Variants in BTRC observed in about 807,000 individuals in gnomAD.
The protein encoded by BTRC is F-box/WD repeat-containing protein 1A.
Under a neutral mutation model 85.5 loss-of-function variants are expected in BTRC, and 42 were observed. That is an observed-to-expected ratio of 0.49 (90% confidence interval 0.38 to 0.64). The LOEUF is 0.64. BTRC is among the 30% of genes least tolerant of loss of function. BTRC has a pLI of 0.00. For synonymous variants in BTRC, 255 were observed against 263.3 expected, an observed-to-expected ratio of 0.97 and a Z score of 0.30; for missense variants, 594 against 743.5, an observed-to-expected ratio of 0.80 and a Z score of 2.34.
chr10:101,364,048 A>G (rs1166891009), intron 1 of BTRC, among the ~76,000 whole-genome samples: 1 of 152,174 alleles, frequency 6.6e-6, no homozygotes, highest in Non-Finnish European at 1.5e-5. Context: ...CAAGCAGGGC[A>G]GGGAGTAACT....
In BTRC at chr10:101,366,792, T is replaced by A. The variant is rs1421385028; in HGVS notation, c.48+12564T>A. Reference sequence around the variant, plus strand: ...TATATATATATATATATATATATTTTTACATTTATATATATATTTATATAT... The same window carrying A: ...TATATATATATATATATATATATTTATACATTTATATATATATTTATATAT... On this transcript the variant is annotated intron_variant, in intron 1 of 14. Transcript: ENST00000370187. 2.4e-4 allele frequency among the ~76,000 whole-genome samples: 21 copies of A among 88,092 alleles called. 1 individual carries two copies. Among genetic ancestry groups the A allele is most frequent in the Middle Eastern group, 5.3e-3 (1 of 190 alleles). 57.8% of individuals were successfully genotyped at this position (88,092 alleles called of 152,430 possible).
intron 13 of BTRC, among the ~76,000 whole-genome samples, chr10:101,539,622 A>G (rs1390637376): frequency 6.6e-6 from 1 of 152,248 alleles, no homozygotes; most frequent in African/African-American, 2.4e-5. Context: ...CAAAGTTTCT[A>G]TAAACATTTA....
At position 101,442,282 on chromosome 10, in the gene BTRC, CTG is replaced by C. The variant is rs1357482554; in HGVS notation, c.156+11832_156+11833del. Among the ~76,000 whole-genome samples, 10 of 106,256 alleles carry C rather than the reference CTG, an allele frequency of 9.4e-5. 1 individual carries two copies. Among genetic ancestry groups the C allele is most frequent in the African/African-American group, 3.8e-4 (8 of 20,806 alleles). The allele number at this position is 106,256 out of a possible 152,430, so 69.7% of individuals were successfully genotyped here. On this transcript the variant is annotated intron_variant, in intron 2 of 14. Transcript: ENST00000370187. ...TTAGAATCTCTCTCTCTCTCTCTCT[CTG>C]TCTCTGTGTGTATGTGTGTGTGTGT...
At chr10:101,411,186 A>G (rs1333388954) in intron 1 of BTRC, among the ~76,000 whole-genome samples, 3 of 151,442 alleles carry the variant, frequency 2.0e-5, no homozygotes, top group Non-Finnish European at 4.4e-5. Flanking sequence ...TAGAGATGGG[A>G]TTTCACCATG....
intron 3 of BTRC, among the ~76,000 whole-genome samples, chr10:101,476,343 C>A (rs1238687072): frequency 2.0e-5 from 3 of 152,048 alleles, no homozygotes. Context: ...CTGGTGAAAC[C>A]TGAGTAAGTT....
At chr10:101,508,110 A>G (rs1946589376) in intron 4 of BTRC, among the ~76,000 whole-genome samples, 1 of 152,238 alleles carries the variant, frequency 6.6e-6, no homozygotes, top group Non-Finnish European at 1.5e-5. Context: ...TAACTATGTC[A>G]GAAATCAGAA....
intron 4 of BTRC, among the ~76,000 whole-genome samples, chr10:101,489,222 A>C (rs941221313): frequency 6.6e-6 from 1 of 152,078 alleles, no homozygotes; most frequent in African/African-American, 2.4e-5. Context: ...TGTAATACCA[A>C]ATAGTATCTA....
chr10:101,544,055 G>A lies in BTRC; in HGVS notation c.1656+5684G>A, dbSNP rs1039642029. On this transcript the variant is annotated intron_variant, in intron 13 of 14. Coordinates refer to ENST00000370187, the MANE Select transcript of BTRC (RefSeq NM_033637.4). ...CTCCAGAGTAGCTGGGACTACAGGCGCCCGCCACCACACCCAGCTAATTTT... is the reference window on the plus strand; with the variant it reads ...CTCCAGAGTAGCTGGGACTACAGGCACCCGCCACCACACCCAGCTAATTTT... 5.9e-5 allele frequency among the ~76,000 whole-genome samples: 9 copies of A among 151,992 alleles called. No homozygotes were observed. The South Asian group carries it at 1.2e-3, about 21-fold the overall frequency.
At chr10:101,466,147 C>A (rs1478002506) in intron 3 of BTRC, among the ~76,000 whole-genome samples, 2 of 152,166 alleles carry the variant, frequency 1.3e-5, no homozygotes, top group African/African-American at 4.8e-5. Context: ...TCAGCCCTGC[C>A]TTTCTCTGTA....
chr10:101,530,326 T>C (rs2062261156), intron 6 of BTRC, among the ~76,000 whole-genome samples: 1 of 152,120 alleles, frequency 6.6e-6, no homozygotes, highest in Non-Finnish European at 1.5e-5. Context: ...TCTGATGAAA[T>C]GAACTGAATT....
At chr10:101,490,685 C>T (rs1415398415) in intron 4 of BTRC, among the ~76,000 whole-genome samples, 1 of 152,144 alleles carries the variant, frequency 6.6e-6, no homozygotes, top group East Asian at 1.9e-4. Flanking sequence ...TCTCATCTTC[C>T]TCCTCTTCCT....
intron 4 of BTRC, among the ~76,000 whole-genome samples, chr10:101,480,069 A>G (rs1178854306): frequency 6.6e-6 from 1 of 152,170 alleles, no homozygotes. Context: ...ATCTGTAATT[A>G]CTGAGGAATT....
intron 1 of BTRC, among the ~76,000 whole-genome samples, chr10:101,419,172 G>A (rs1944030884): frequency 2.0e-5 from 3 of 151,994 alleles, no homozygotes; most frequent in Admixed American, 2.0e-4. Flanking sequence ...CACCATGCCT[G>A]GCTAATTTTT....
chr10:101,505,178 T>TA (rs1564812304), intron 4 of BTRC, among the ~76,000 whole-genome samples: 37 of 143,396 alleles, frequency 2.6e-4, no homozygotes, highest in Non-Finnish European at 4.1e-4. Context: ...TATATATATA[T>TA]TTTTTAGTAG....
At chr10:101,527,273 G>A (rs1426913673) in intron 6 of BTRC, among the ~76,000 whole-genome samples, 1 of 152,150 alleles carries the variant, frequency 6.6e-6, no homozygotes, top group Non-Finnish European at 1.5e-5. Context: ...TGAAAAAGTA[G>A]TTGGCTCTCT....
intron 6 of BTRC, among the ~76,000 whole-genome samples, chr10:101,529,696 AAC>A (rs1191903793): frequency 6.6e-6 from 1 of 152,164 alleles, no homozygotes; most frequent in Non-Finnish European, 1.5e-5. Flanking sequence ...TTTCTGTATT[AAC>A]ACAGAAGTTA....
At chr10:101,532,194 C>A in intron 7 of BTRC, 101 bp from the exon 8 acceptor site, 1 of 1,273,254 alleles carries the variant, frequency 7.9e-7, no homozygotes, top group Non-Finnish European at 1.1e-6. Flanking sequence ...GTGTATATCC[C>A]ATAGAGTAAA....
At chr10:101,370,186 C>T (rs971568007) in intron 1 of BTRC, among the ~76,000 whole-genome samples, 8 of 152,180 alleles carry the variant, frequency 5.3e-5, no homozygotes, top group African/African-American at 1.9e-4. Context: ...GGCACAATCA[C>T]AGCTCACAGC....
intron 1 of BTRC, among the ~76,000 whole-genome samples, chr10:101,391,024 A>G (rs1943224782): frequency 1.3e-5 from 2 of 152,220 alleles, no homozygotes; most frequent in South Asian, 4.1e-4. Flanking sequence ...TAAAGTTTTT[A>G]TAAGAATTTT....
Sources: allele counts gnomAD v4.1 joint callset (sites outside exome capture counted in the v4.1 genomes callset), GRCh38; gene constraint gnomAD v4.1.1; transcripts MANE v1.5; gene names NCBI Gene and HGNC (gene_info 2026-07-23, HGNC 2026-07-21).